Variants in DSCAM observed in about 807,000 individuals in gnomAD.
The protein encoded by DSCAM is cell adhesion molecule DSCAM.
In DSCAM, 47 loss-of-function variants were observed where a neutral mutation model predicts 217.7. The observed-to-expected ratio is 0.22, with a 90% CI of 0.17 to 0.28. The LOEUF is 0.28. Among genes scored for constraint, DSCAM ranks in the 10% least tolerant of loss-of-function variants. The pLI is 1.00. For missense variants in DSCAM, 2,080 were observed against 2,618.3 expected (o/e 0.79, Z 4.49); for synonymous variants, 1,056 against 1,015.3 (o/e 1.04, Z -0.76).
At chr21:40,025,863 C>CTATT (rs1243501780) in intron 32 of DSCAM, among the ~76,000 whole-genome samples, 2 of 150,570 alleles carry the variant, frequency 1.3e-5, no homozygotes, top group Non-Finnish European at 3.0e-5. Flanking sequence ...TTTTGTGTCT[C>CTATT]TATTTGCTTC....
At chr21:40,740,441 A>G (rs1465244973) in intron 1 of DSCAM, among the ~76,000 whole-genome samples, 1 of 152,174 alleles carries the variant, frequency 6.6e-6, no homozygotes, top group East Asian at 1.9e-4. Flanking sequence ...CTCCCCCAAT[A>G]TGTTTCCCAC....
chr21:40,467,491 C>T (rs549950120), intron 3 of DSCAM, among the ~76,000 whole-genome samples: 23 of 152,022 alleles, frequency 1.5e-4, no homozygotes, highest in Non-Finnish European at 2.9e-4. Flanking sequence ...TCTAAAAGTA[C>T]GTATTTAGAA....
At chr21:40,322,450 A>G (rs1164073356) in intron 8 of DSCAM, among the ~76,000 whole-genome samples, 1 of 152,136 alleles carries the variant, frequency 6.6e-6, no homozygotes, top group Non-Finnish European at 1.5e-5. Flanking sequence ...ACAATACACT[A>G]TGGTACACTG....
rs1342098175 is a variant in DSCAM, at chr21:40,637,488, AAAATATATAAATATATAT to A, written c.508+55304_508+55321del. 2.1e-3 allele frequency among the ~76,000 whole-genome samples: 27 copies of A among 12,748 alleles called. 4 individuals are homozygous for A. The highest frequency in any genetic ancestry group is 4.2e-3 in the East Asian group (2 of 472). The allele number at this position is 12,748 out of a possible 152,430, so 8.4% of individuals were successfully genotyped here. On this transcript the variant is annotated intron_variant, in intron 3 of 32. Coordinates refer to ENST00000400454, the MANE Select transcript of DSCAM (RefSeq NM_001389.5). ...ATATATAAATATATATAAATATATA[AAAATATATAAATATATAT>A]AAATATATAAATATATATAAATATA...
intron 3 of DSCAM, among the ~76,000 whole-genome samples, chr21:40,547,460 T>C (rs2076592637): frequency 6.6e-6 from 1 of 152,202 alleles, no homozygotes. Context: ...CTGTCAGGCC[T>C]CATGAAAACC....
intron 3 of DSCAM, among the ~76,000 whole-genome samples, chr21:40,437,779 G>A (rs1265886414): frequency 6.6e-6 from 1 of 152,172 alleles, no homozygotes; most frequent in Non-Finnish European, 1.5e-5. Context: ...GAACCTGGGA[G>A]GCAGAGGTTG....
chr21:40,370,394 TTTA>T (rs2074883237), intron 3 of DSCAM, among the ~76,000 whole-genome samples: 4 of 152,170 alleles, frequency 2.6e-5, no homozygotes, highest in South Asian at 2.1e-4. Flanking sequence ...GAATGTGATT[TTTA>T]TCTTTGAAAA....
chr21:40,227,630 C>A (rs990666551), intron 11 of DSCAM, among the ~76,000 whole-genome samples: 9 of 152,132 alleles, frequency 5.9e-5, no homozygotes, highest in Admixed American at 2.0e-4. Context: ...CACTGCTACC[C>A]TTACTGGTAC....
intron 3 of DSCAM, among the ~76,000 whole-genome samples, chr21:40,403,493 C>A (rs1239317762): frequency 1.3e-5 from 2 of 152,088 alleles, no homozygotes; most frequent in African/African-American, 4.8e-5. Context: ...GTGGAATTTT[C>A]TTTGGAAACC....
Position 40,709,791 on chromosome 21 carries a change from AAT to A in DSCAM, c.44-1022_44-1021del, listed in dbSNP as rs536930096. Among the ~76,000 whole-genome samples the A allele has an allele frequency of 1.4e-4, 22 of 152,318 alleles. No individual in the cohort carries two copies. The East Asian group carries it at 4.2e-3, about 29-fold the overall frequency. Reference sequence around the variant, plus strand: ...TCTTTGCTATTGTGAATAGTGCCACAATAAACATATGTGTGCATGTGTCTTTA... The same window carrying A: ...TCTTTGCTATTGTGAATAGTGCCACAAAACATATGTGTGCATGTGTCTTTA... On this transcript the variant is annotated intron_variant, in intron 1 of 32. Coordinates refer to ENST00000400454, the MANE Select transcript of DSCAM (RefSeq NM_001389.5).
chr21:40,057,425 A>G (rs1054798568), intron 28 of DSCAM, among the ~76,000 whole-genome samples: 3 of 152,090 alleles, frequency 2.0e-5, no homozygotes, highest in Non-Finnish European at 2.9e-5. Flanking sequence ...ATGGGGAACT[A>G]CTCCTCTGTG....
At chr21:40,470,306 T>C (rs2075877579) in intron 3 of DSCAM, among the ~76,000 whole-genome samples, 1 of 152,226 alleles carries the variant, frequency 6.6e-6, no homozygotes, top group Admixed American at 6.5e-5. Flanking sequence ...AGGAAAAAGC[T>C]ATGGAAACAC....
intron 3 of DSCAM, among the ~76,000 whole-genome samples, chr21:40,664,484 G>T (rs4818153): frequency 6.6e-6 from 1 of 152,060 alleles, no homozygotes; most frequent in African/African-American, 2.4e-5. Flanking sequence ...GCTCCTGATG[G>T]CACAGCACCC....
At chr21:40,589,448 T>C (rs1284441601) in intron 3 of DSCAM, among the ~76,000 whole-genome samples, 1 of 152,046 alleles carries the variant, frequency 6.6e-6, no homozygotes, top group Non-Finnish European at 1.5e-5. Context: ...TGGTGGCATG[T>C]GCCTGTAATC....
intron 1 of DSCAM, among the ~76,000 whole-genome samples, chr21:40,780,421 G>GTGTGTGTA (rs2091530852): frequency 2.1e-5 from 1 of 48,046 alleles, no homozygotes; most frequent in Non-Finnish European, 3.5e-5. Flanking sequence ...GTGTGTGTGT[G>GTGTGTGTA]TGTATATATA....
chr21:40,534,844 A>G (rs1396261242), intron 3 of DSCAM, among the ~76,000 whole-genome samples: 1 of 152,240 alleles, frequency 6.6e-6, no homozygotes, highest in Non-Finnish European at 1.5e-5. Flanking sequence ...AATAAAGTAC[A>G]GAATGACATC....
At chr21:40,254,966 C>G (rs2073351933) in intron 11 of DSCAM, among the ~76,000 whole-genome samples, 1 of 152,024 alleles carries the variant, frequency 6.6e-6, no homozygotes, top group Non-Finnish European at 1.5e-5. Context: ...TGATTAATGT[C>G]AAATTATAAG....
chr21:40,499,405 CA>C (rs1057283694), intron 3 of DSCAM, among the ~76,000 whole-genome samples: 2 of 151,988 alleles, frequency 1.3e-5, no homozygotes, highest in African/African-American at 2.4e-5. Context: ...TTAAAGCAAA[CA>C]AAAAAACCAA....
intron 1 of DSCAM, among the ~76,000 whole-genome samples, chr21:40,823,499 T>C (rs1057299691): frequency 3.3e-5 from 5 of 152,170 alleles, no homozygotes; most frequent in African/African-American, 7.2e-5. Flanking sequence ...GGAAAATGGA[T>C]ATTTGGGTGA....
Sources: gnomAD v4.1 joint callset for allele counts (sites outside exome capture counted in the v4.1 genomes callset) on GRCh38, gnomAD v4.1.1 for gene constraint, MANE v1.5 for transcripts, NCBI Gene and HGNC (gene_info 2026-07-23, HGNC 2026-07-21) for gene names.